RAD51B: variants seen among roughly 807,000 people sequenced by gnomAD.
The protein encoded by RAD51B is RAD51 paralog B, also known as DNA repair protein RAD51 homolog 2.
Under a neutral mutation model 42.2 loss-of-function variants are expected in RAD51B, and 38 were observed. The observed-to-expected ratio is 0.90, with a 90% CI of 0.70 to 1.18. The LOEUF is 1.18. RAD51B is among the 50% of genes most tolerant of loss of function. RAD51B has a pLI of 0.00. For synonymous variants in RAD51B, 154 were observed against 145.2 expected (o/e 1.06, Z -0.43); for missense variants, 373 against 400.7 (o/e 0.93, Z 0.59).
At chr14:68,361,386 C>T (rs901093620) in intron 8 of RAD51B, among the ~76,000 whole-genome samples, 1 of 152,158 alleles carries the variant, frequency 6.6e-6, no homozygotes, top group Admixed American at 6.5e-5. Context: ...CAATAAGTAC[C>T]TACTGAGTGA....
intron 7 of RAD51B, among the ~76,000 whole-genome samples, chr14:67,949,354 G>A (rs1422312126): frequency 6.6e-6 from 1 of 152,138 alleles, no homozygotes; most frequent in Non-Finnish European, 1.5e-5. Context: ...AATGTTATTA[G>A]CATCATCACC....
chr14:68,339,463 C>G (rs2082528245), intron 8 of RAD51B: 1 of 535,644 alleles, frequency 1.9e-6, no homozygotes, highest in East Asian at 3.1e-5. Flanking sequence ...TCCTTGGCCT[C>G]CTGCTTCTTT....
intron 7 of RAD51B, among the ~76,000 whole-genome samples, chr14:68,288,745 G>A (rs1199600856): frequency 6.6e-6 from 1 of 152,198 alleles, no homozygotes; most frequent in African/African-American, 2.4e-5. Flanking sequence ...ATGGTGACAT[G>A]CTTTGCATGG....
At chr14:68,289,175 T>C (rs2081469474) in intron 7 of RAD51B, among the ~76,000 whole-genome samples, 1 of 152,208 alleles carries the variant, frequency 6.6e-6, no homozygotes, top group Admixed American at 6.6e-5. Context: ...TACTAATTTA[T>C]TAACCTGTAT....
At chr14:68,114,860 TA>T (rs2077514318) in intron 7 of RAD51B, among the ~76,000 whole-genome samples, 1 of 152,174 alleles carries the variant, frequency 6.6e-6, no homozygotes, top group South Asian at 2.1e-4. Flanking sequence ...TAATTTTTAG[TA>T]TGAAACTAGG....
chr14:68,355,491 A>C (rs2082881311), intron 8 of RAD51B, among the ~76,000 whole-genome samples: 1 of 152,192 alleles, frequency 6.6e-6, no homozygotes, highest in Admixed American at 6.5e-5. Flanking sequence ...GATATTAATA[A>C]ACTCTTTCTA....
intron 7 of RAD51B, among the ~76,000 whole-genome samples, chr14:68,280,776 G>A (rs1182460213): frequency 6.6e-6 from 1 of 152,186 alleles, no homozygotes; most frequent in Non-Finnish European, 1.5e-5. Flanking sequence ...GTATTATCTA[G>A]GGCAAGGTGG....
chr14:68,609,993 T>C (rs762439764), intron 10 of RAD51B, among the ~76,000 whole-genome samples: 3 of 151,844 alleles, frequency 2.0e-5, no homozygotes, highest in African/African-American at 7.3e-5. Flanking sequence ...CGCTTCTGTC[T>C]CTCTCCTCCG....
chr14:68,444,805 T>A (rs1370872278), intron 9 of RAD51B, among the ~76,000 whole-genome samples: 1 of 152,164 alleles, frequency 6.6e-6, no homozygotes, highest in Non-Finnish European at 1.5e-5. Context: ...TTTCTGGTGA[T>A]GGGGGGGCAT....
chr14:68,319,071 A>C (rs1263937955), intron 8 of RAD51B, among the ~76,000 whole-genome samples: 1 of 152,186 alleles, frequency 6.6e-6, no homozygotes, highest in Admixed American at 6.5e-5. Context: ...TGATCTTTAA[A>C]AAACAAACAA....
chr14:68,222,189 G>C (rs1161354758), intron 7 of RAD51B, among the ~76,000 whole-genome samples: 3 of 152,128 alleles, frequency 2.0e-5, no homozygotes, highest in Non-Finnish European at 2.9e-5. Flanking sequence ...CCACTACTAG[G>C]AAAAGAAGTC....
At chr14:68,673,746 TAC>T (rs1893231813) in intron 11 of RAD51B, among the ~76,000 whole-genome samples, 2 of 150,964 alleles carry the variant, frequency 1.3e-5, no homozygotes, top group South Asian at 4.2e-4. Context: ...ACACATACTG[TAC>T]ACACATATAT....
intron 7 of RAD51B, among the ~76,000 whole-genome samples, chr14:68,155,222 CGCTCTATTGCCCAG>C (rs959351492): frequency 6.7e-6 from 1 of 149,612 alleles, no homozygotes; most frequent in African/African-American, 2.5e-5. Context: ...GGTGGAGTCT[CGCTCTATTGCCCAG>C]GCTGGAGTGC....
Position 67,922,799 on chromosome 14 carries a change from C to T in RAD51B, c.756+35595C>T, listed in dbSNP as rs191885970. 1.3e-3 allele frequency among the ~76,000 whole-genome samples: 194 copies of T among 151,522 alleles called. 5 individuals carry two copies. In the East Asian group the frequency reaches 0.037, roughly 29 times the overall value. ...CTCCACCTCCCGGGTTCAAGCGATT[C>T]TCCTGCCTCAGCCTCCCAAGTAGCT... On this transcript the variant is annotated intron_variant, in intron 7 of 10. Transcript: ENST00000471583.
chr14:68,672,113 G>A (rs1450950306), intron 11 of RAD51B, among the ~76,000 whole-genome samples: 1 of 152,230 alleles, frequency 6.6e-6, no homozygotes, highest in Non-Finnish European at 1.5e-5. Context: ...GTTTGAAGCT[G>A]TGAGTCCCAG....
chr14:68,655,368 G>A (rs2140141713), intron 11 of RAD51B, among the ~76,000 whole-genome samples: 1 of 152,200 alleles, frequency 6.6e-6, no homozygotes, highest in East Asian at 1.9e-4. Context: ...CAGGTTTCAG[G>A]AACACATGGT....
intron 7 of RAD51B, among the ~76,000 whole-genome samples, chr14:68,256,405 G>A (rs935171785): frequency 2.0e-5 from 3 of 152,126 alleles, no homozygotes; most frequent in Non-Finnish European, 4.4e-5. Context: ...TCCATTAAAG[G>A]TGTCATCTAA....
At chr14:68,313,718 C>T (rs1476442429) in intron 8 of RAD51B, among the ~76,000 whole-genome samples, 1 of 152,224 alleles carries the variant, frequency 6.6e-6, no homozygotes, top group Admixed American at 6.5e-5. Context: ...GAATCCTTCA[C>T]CTCTAGCTTG....
intron 7 of RAD51B, among the ~76,000 whole-genome samples, chr14:67,916,891 G>A (rs1304448706): frequency 3.3e-5 from 5 of 152,208 alleles, no homozygotes; most frequent in Non-Finnish European, 7.3e-5. Flanking sequence ...AGAGGACGGA[G>A]GATGGGGGAG....
Sources: gnomAD v4.1 joint callset for allele counts (sites outside exome capture counted in the v4.1 genomes callset) on GRCh38, gnomAD v4.1.1 for gene constraint, MANE v1.5 for transcripts, NCBI Gene and HGNC (gene_info 2026-07-23, HGNC 2026-07-21) for gene names.